Variants in TBC1D2B observed in about 807,000 individuals in gnomAD.
TBC1D2B encodes the protein TBC1 domain family, member 2B.
TBC1D2B carries 64 observed loss-of-function variants against 100.8 expected under a neutral mutation model. The observed-to-expected ratio is 0.64, with a 90% CI of 0.52 to 0.78. The LOEUF (loss-of-function observed/expected upper bound fraction) is 0.78. Among genes scored for constraint, TBC1D2B ranks in the 30% least tolerant of loss-of-function variants. The probability of loss-of-function intolerance (pLI) is 0.00; values close to 1 mark genes in which losing one functional copy is unlikely to be tolerated. For missense variants in TBC1D2B, 1,052 were observed against 1,218.4 expected (o/e 0.86, Z 2.03); for synonymous variants, 480 against 479.7 (o/e 1.00, Z -0.01).
chr15:78,072,786 A>AG (rs757861318), intron 1 of TBC1D2B, among the ~76,000 whole-genome samples: 5 of 152,164 alleles, frequency 3.3e-5, no homozygotes, highest in African/African-American at 4.8e-5. Context: ...CCTTCCCCTA[A>AG]GTGCCTCAGA....
chr15:78,010,835 A>G (rs2072203814), intron 9 of TBC1D2B, among the ~76,000 whole-genome samples: 1 of 152,190 alleles, frequency 6.6e-6, no homozygotes, highest in Non-Finnish European at 1.5e-5. Flanking sequence ...AATCCCAAAG[A>G]ATTACAATTC....
At chr15:78,046,946 G>T (rs7170746) in intron 2 of TBC1D2B, among the ~76,000 whole-genome samples, 94,304 of 152,054 alleles carry the variant, frequency 0.62, 29,174 homozygotes, top group Admixed American at 0.64. Context: ...GTGTAGGCAG[G>T]TTCTGACTTG....
chr15:78,062,452 C>G (rs1370876184), intron 1 of TBC1D2B, among the ~76,000 whole-genome samples: 1 of 152,148 alleles, frequency 6.6e-6, no homozygotes, highest in Non-Finnish European at 1.5e-5. Flanking sequence ...TCCCATTAAT[C>G]TTTAGTTTTA....
Position 78,018,436 on chromosome 15 carries a change from CTT to C in TBC1D2B, c.1471-481_1471-480del, listed in dbSNP as rs141562186. Among the ~76,000 whole-genome samples the C allele has an allele frequency of 1.7e-4, 26 of 152,300 alleles. No homozygotes were observed. In the East Asian group the frequency reaches 4.8e-3, roughly 28 times the overall value. On this transcript the variant is annotated intron_variant, in intron 6 of 12. Transcript: ENST00000300584. Reference sequence around the variant, plus strand: ...ATACAGCCCATAACTAAAAATCACTCTTAATAACAAATCCTATGACCTAAAAC... The same window carrying C: ...ATACAGCCCATAACTAAAAATCACTCAATAACAAATCCTATGACCTAAAAC...
At chr15:78,024,638 AG>A (rs1396321890) in intron 5 of TBC1D2B, 99 bp from the exon 6 acceptor site, 7 of 1,159,908 alleles carry the variant, frequency 6.0e-6, no homozygotes, top group Non-Finnish European at 8.3e-6. Context: ...ACAGAGTTTG[AG>A]GAAATGTAGA....
chr15:78,034,543 A>G (rs2072899535), intron 3 of TBC1D2B: 2 of 985,440 alleles, frequency 2.0e-6, no homozygotes, highest in African/African-American at 3.5e-5. Flanking sequence ...GGAAAGAGAA[A>G]TAAGAGCAGG....
chr15:78,037,182 G>A (rs1221162671), intron 3 of TBC1D2B, among the ~76,000 whole-genome samples: 1 of 151,990 alleles, frequency 6.6e-6, no homozygotes, highest in Non-Finnish European at 1.5e-5. Context: ...CACCCTGGGA[G>A]TCCCTGGCCT....
intron 2 of TBC1D2B, among the ~76,000 whole-genome samples, chr15:78,049,876 G>A (rs1466077198): frequency 6.6e-6 from 1 of 152,040 alleles, no homozygotes; most frequent in Non-Finnish European, 1.5e-5. Context: ...TTGCTTTACA[G>A]ATGGGGAAAT....
At chr15:78,008,751 A>G (rs2072140434) in intron 10 of TBC1D2B, among the ~76,000 whole-genome samples, 1 of 152,196 alleles carries the variant, frequency 6.6e-6, no homozygotes, top group Non-Finnish European at 1.5e-5. Context: ...ACACAATGTT[A>G]GGCCTGCAGG....
chr15:78,007,174 AAC>A (rs1211369073), intron 10 of TBC1D2B, among the ~76,000 whole-genome samples: 2 of 152,230 alleles, frequency 1.3e-5, no homozygotes, highest in Non-Finnish European at 2.9e-5. Flanking sequence ...ATGCCCAGAG[AAC>A]ACACGCCCCA....
At chr15:78,035,709 G>A (rs1259604588) in intron 3 of TBC1D2B, among the ~76,000 whole-genome samples, 4 of 152,186 alleles carry the variant, frequency 2.6e-5, no homozygotes, top group Non-Finnish European at 1.5e-5. Flanking sequence ...TCTCACAAGG[G>A]CACAGAGACG....
chr15:78,019,901 A>AGC (rs1491523509), intron 6 of TBC1D2B, among the ~76,000 whole-genome samples: 257 of 137,134 alleles, frequency 1.9e-3, no homozygotes, highest in Non-Finnish European at 3.4e-3. Flanking sequence ...AAAAAAAAAA[A>AGC]GGGGGGGGGA....
chr15:78,068,684 A>T (rs2073700160), intron 1 of TBC1D2B, among the ~76,000 whole-genome samples: 1 of 152,120 alleles, frequency 6.6e-6, no homozygotes, highest in Non-Finnish European at 1.5e-5. Context: ...CTCCCCAGGG[A>T]TCCTCTCAGC....
At chr15:78,045,577 A>G (rs2073178593) in intron 2 of TBC1D2B, among the ~76,000 whole-genome samples, 1 of 152,264 alleles carries the variant, frequency 6.6e-6, no homozygotes, top group Non-Finnish European at 1.5e-5. Context: ...ATCACAGAAT[A>G]GCAGTTCAGT....
intron 3 of TBC1D2B, among the ~76,000 whole-genome samples, chr15:78,032,632 A>G (rs1016182537): frequency 3.3e-5 from 5 of 151,668 alleles, no homozygotes; most frequent in African/African-American, 9.7e-5. Flanking sequence ...TAAAAGCTAG[A>G]AAAAAAAGAA....
intron 8 of TBC1D2B, among the ~76,000 whole-genome samples, chr15:78,013,547 GA>G (rs958047342): frequency 3.4e-4 from 52 of 151,384 alleles, no homozygotes; most frequent in African/African-American, 1.2e-3. Flanking sequence ...ACTATACAGG[GA>G]AAAAAAACAA....
At chr15:78,017,211 C>T (rs2241885) in intron 7 of TBC1D2B, 77,553 of 154,998 alleles carry the variant, frequency 0.5, 20,435 homozygotes, top group East Asian at 0.63. Flanking sequence ...TGGGAAGATG[C>T]TTCAAGTTCT....
intron 1 of TBC1D2B, among the ~76,000 whole-genome samples, chr15:78,072,797 T>A (rs1378760687): frequency 6.6e-6 from 1 of 152,124 alleles, no homozygotes; most frequent in Non-Finnish European, 1.5e-5. Flanking sequence ...GTGCCTCAGA[T>A]TCCAGTAAAG....
rs566116799 is a variant in TBC1D2B at position 78,033,547 on chromosome 15, G to A, written c.684-3377C>T. ...AAGGAACGTGAAGGAATTTTTAAAG[G>A]TGTAGAAATGTTCTATTTTTCTTTA... On this transcript the variant is annotated intron_variant, in intron 3 of 12. Coordinates refer to ENST00000300584, the MANE Select transcript of TBC1D2B (RefSeq NM_144572.2). Among the ~76,000 whole-genome samples the A allele has an allele frequency of 2.6e-5, 4 of 152,352 alleles. No homozygotes were observed. In the South Asian group the frequency reaches 8.3e-4, roughly 32 times the overall value.
Sources: gnomAD v4.1 joint callset for allele counts (sites outside exome capture counted in the v4.1 genomes callset) on GRCh38, gnomAD v4.1.1 for gene constraint, MANE v1.5 for transcripts, NCBI Gene and HGNC (gene_info 2026-07-23, HGNC 2026-07-21) for gene names.